Variants in CAPN2 observed in about 807,000 individuals in gnomAD.
CAPN2 encodes the protein calpain 2.
A neutral mutation model predicts 102.3 loss-of-function variants in CAPN2; 92 were observed. The ratio of observed to expected loss-of-function variants is 0.90; its 90% CI spans 0.76 to 1.07. CAPN2 has a LOEUF of 1.07. Among genes scored for constraint, CAPN2 ranks in the 50% least tolerant of loss-of-function variants. CAPN2 has a pLI of 0.00. For synonymous variants in CAPN2, 340 were observed against 355.4 expected (o/e 0.96, Z 0.49); for missense variants, 800 against 909.4 (o/e 0.88, Z 1.55).
At chr1:223,764,788 A>G (rs1661271741) in intron 15 of CAPN2, among the ~76,000 whole-genome samples, 1 of 152,216 alleles carries the variant, frequency 6.6e-6, no homozygotes, top group Admixed American at 6.5e-5. Flanking sequence ...GGGTTTCTCC[A>G]TGTTGGCCAG....
At chr1:223,702,000 CAA>C (rs1352066565) in intron 1 of CAPN2, among the ~76,000 whole-genome samples, 537 of 38,564 alleles carry the variant, frequency 0.014, 5 homozygotes, top group African/African-American at 0.044. Context: ...GACTCCGTCT[CAA>C]AAAAAAAAAA....
At chr1:223,770,577 ATG>A in intron 18 of CAPN2, 52 bp downstream of exon 18, 1 of 1,174,080 alleles carries the variant, frequency 8.5e-7, no homozygotes, top group Non-Finnish European at 1.3e-6. Flanking sequence ...TCTGTAGAAT[ATG>A]TGAACACTCA....
At chr1:223,714,210 G>A (rs1054683153) in intron 1 of CAPN2, among the ~76,000 whole-genome samples, 1 of 152,110 alleles carries the variant, frequency 6.6e-6, no homozygotes, top group African/African-American at 2.4e-5. Flanking sequence ...ATAATCACAT[G>A]TATTTGTTCT....
intron 2 of CAPN2, among the ~76,000 whole-genome samples, chr1:223,718,060 T>G (rs1237168615): frequency 6.6e-6 from 1 of 152,244 alleles, no homozygotes; most frequent in African/African-American, 2.4e-5. Flanking sequence ...GGCTAGTTGC[T>G]GAGGTTACAG....
At chr1:223,741,256 T>C (rs1660602318) in intron 2 of CAPN2, among the ~76,000 whole-genome samples, 2 of 151,576 alleles carry the variant, frequency 1.3e-5, no homozygotes, top group Non-Finnish European at 2.9e-5. Flanking sequence ...ATTTTGCTGA[T>C]TGGGGTGAGG....
rs867784231 is a variant in CAPN2 at position 223,719,516 on chromosome 1, G to C, written c.307+1685G>C. On this transcript the variant is annotated intron_variant, in intron 2 of 20. Coordinates refer to ENST00000295006, the MANE Select transcript of CAPN2 (RefSeq NM_001748.5). ...ATGGCACCACTGCACTTCAGCCGGG[G>C]TGACAGAGAGAGACCCCATCTCAAA... Among the ~76,000 whole-genome samples, 2 of 152,130 alleles carry C rather than the reference G, an allele frequency of 1.3e-5. 1 individual carries two copies. Among genetic ancestry groups the C allele is most frequent in the South Asian group, 4.1e-4 (2 of 4,830 alleles).
At chr1:223,744,331 T>A in intron 3 of CAPN2, 113 bp downstream of exon 3, 2 of 737,754 alleles carry the variant, frequency 2.7e-6, no homozygotes, top group South Asian at 3.1e-5. Context: ...CCAAGACCAA[T>A]ACTGTTCTAC....
intron 2 of CAPN2, among the ~76,000 whole-genome samples, chr1:223,723,768 C>G (rs1373757760): frequency 6.6e-6 from 1 of 151,838 alleles, no homozygotes; most frequent in African/African-American, 2.4e-5. Context: ...TACCCACGGT[C>G]TCCAGCTACA....
chr1:223,737,721 G>GTGGTA (rs146144248), intron 2 of CAPN2, among the ~76,000 whole-genome samples: 907 of 70,184 alleles, frequency 0.013, 77 homozygotes, highest in African/African-American at 0.025. Flanking sequence ...GGGTGGGGGG[G>GTGGTA]AGAGAATACA....
intron 5 of CAPN2, among the ~76,000 whole-genome samples, chr1:223,748,578 T>C (rs1660807178): frequency 6.6e-6 from 1 of 152,108 alleles, no homozygotes; most frequent in African/African-American, 2.4e-5. Context: ...CATGGGCTGG[T>C]GGTGGGGCGA....
At chr1:223,732,032 C>A (rs1660349845) in intron 2 of CAPN2, among the ~76,000 whole-genome samples, 1 of 152,148 alleles carries the variant, frequency 6.6e-6, no homozygotes, top group Admixed American at 6.5e-5. Flanking sequence ...TCTAAAGACA[C>A]CTTCACCCCG....
At chr1:223,758,834 A>G (rs897526384) in intron 11 of CAPN2, 2 of 250,718 alleles carry the variant, frequency 8.0e-6, no homozygotes, top group Non-Finnish European at 1.6e-5. Context: ...CTGAGACTAC[A>G]GGCGCTTGCC....
In CAPN2 at chr1:223,717,771, G is replaced by T; in HGVS notation, c.247G>T (p.Ala83Ser). The T allele has an allele frequency of 6.2e-7, 1 of 1,614,030 alleles. No individual in the cohort carries two copies. Among genetic ancestry groups the T allele is most frequent in the South Asian group, 1.1e-5 (1 of 91,072 alleles). Residue 83 changes from alanine (A) to serine (S), a missense_variant, in exon 2 of 21, where the codon GCT (alanine) becomes TCT (serine). By Grantham distance (99) the Ala-to-Ser change is moderately conservative. Transcript: ENST00000295006. ...TGGGTCTCGTTCCCAGGAGATCTGC[G>T]CTGACCCCCAGTTTATCATTGGAGG... ...IEWKRPTEICADPQFIIGGAT... is the reference protein window; with the variant it reads ...IEWKRPTEICSDPQFIIGGAT...
intron 1 of CAPN2, chr1:223,701,969 T>G (rs1571769599): frequency 7.6e-6 from 1 of 131,150 alleles, no homozygotes; most frequent in South Asian, 2.5e-4. Context: ...ATCGTGTCAC[T>G]GCACTCCATT....
chr1:223,734,544 C>G (rs1272469615), intron 2 of CAPN2, among the ~76,000 whole-genome samples: 3 of 152,082 alleles, frequency 2.0e-5, no homozygotes, highest in African/African-American at 7.2e-5. Context: ...GAGACAGACA[C>G]CTTATGCACT....
intron 2 of CAPN2, among the ~76,000 whole-genome samples, chr1:223,740,439 T>G (rs988357442): frequency 6.6e-6 from 1 of 152,182 alleles, no homozygotes; most frequent in Non-Finnish European, 1.5e-5. Context: ...CCAGTTTCCA[T>G]TGGCTGGAAC....
chr1:223,771,992 T>G, intron 19 of CAPN2, 67 bp downstream of exon 19: 3 of 1,199,828 alleles, frequency 2.5e-6, no homozygotes, highest in African/African-American at 1.5e-5. Context: ...GCCTTTCACC[T>G]CGGTGAAATC....
At position 223,747,194 on chromosome 1, in the gene CAPN2, A is replaced by G. The variant is rs767967830; in HGVS notation, c.729+29A>G. The stretch of plus-strand genomic sequence containing the variant: ...AGTCCAGGCTGCCTTCCCTAGCCTC[A>G]CCCCATCTGCTCTTGCTGAAGGGAG... On this transcript the variant is annotated intron_variant, in intron 5 of 20. Coordinates refer to ENST00000295006, the MANE Select transcript of CAPN2 (RefSeq NM_001748.5). 1.1e-5 allele frequency: 18 copies of G among 1,579,808 alleles called. No homozygotes were observed. The South Asian group carries it at 2.0e-4, about 17-fold the overall frequency.
chr1:223,717,761 G>C lies in CAPN2; in HGVS notation c.238-1G>C. 6.2e-7 allele frequency: 1 copy of C among 1,613,930 alleles called. No individual in the cohort carries two copies. Among genetic ancestry groups the C allele is most frequent in the East Asian group, 2.2e-5 (1 of 44,878 alleles). ...CAGCACTTTGTGGGTCTCGTTCCCA[G>C]GAGATCTGCGCTGACCCCCAGTTTA... On this transcript the variant is annotated splice_acceptor_variant, in intron 1 of 20. Transcript: ENST00000295006. LOFTEE classifies it high-confidence loss of function.
Sources: allele counts gnomAD v4.1 joint callset (sites outside exome capture counted in the v4.1 genomes callset), GRCh38; gene constraint gnomAD v4.1.1; transcripts MANE v1.5; gene names NCBI Gene and HGNC (gene_info 2026-07-23, HGNC 2026-07-21).